The following GRK2 variants were observed in gnomAD, a reference collection of about 807,000 sequenced individuals.
The protein encoded by GRK2 is adrenergic beta receptor kinase 1.
A neutral mutation model predicts 97.8 loss-of-function variants in GRK2; 23 were observed. The ratio of observed to expected loss-of-function variants is 0.24; its 90% CI spans 0.17 to 0.33. The LOEUF (loss-of-function observed/expected upper bound fraction) is 0.33. Ranked by LOEUF, GRK2 falls within the 10% of genes least tolerant of loss-of-function variation. The pLI, the probability that GRK2 is intolerant of heterozygous loss-of-function variation, is 1.00. For synonymous variants in GRK2, 425 were observed against 381.7 expected (o/e 1.11, Z -1.32); for missense variants, 633 against 956.9 (o/e 0.66, Z 4.47).
At position 67,266,716 on chromosome 11, in the gene GRK2, C is replaced by T. The variant is rs1267341728; in HGVS notation, c.17C>T (p.Ala6Val). 7.8e-7 allele frequency: 1 copy of T among 1,285,578 alleles called. No individual in the cohort carries two copies. Among genetic ancestry groups the T allele is most frequent in the South Asian group, 2.3e-5 (1 of 44,216 alleles). The allele number at this position is 1,285,578 out of a possible 1,614,324, so 79.6% of individuals were successfully genotyped here. MADLE[A>V]VLADVSYLMA... Reference sequence around the variant, plus strand: ...GCCGCCAAGATGGCGGACCTGGAGGCGGTGCTGGCCGACGTGAGCTACCTG... The same window carrying T: ...GCCGCCAAGATGGCGGACCTGGAGGTGGTGCTGGCCGACGTGAGCTACCTG... The change falls in exon 1 of 21, where the codon GCG becomes GTG. Residue 6 changes from alanine (A) to valine (V), a missense_variant. This residue lies in a region of GRK2 where 193 missense variants were observed against 212.2 expected (regional missense o/e 0.91). Coordinates refer to ENST00000308595, the MANE Select transcript of GRK2 (RefSeq NM_001619.5).
rs1440118944 is a variant in GRK2 at position 67,282,635 on chromosome 11, C to T, written c.1160+93C>T. 2.6e-6 allele frequency: 4 copies of T among 1,554,694 alleles called. No individual in the cohort carries two copies. In the African/African-American group the frequency reaches 4.1e-5, roughly 16 times the overall value. On this transcript the variant is annotated intron_variant, in intron 13 of 20. Transcript: ENST00000308595. The surrounding 1 kb of genome is among the most constrained non-coding windows in gnomAD (Gnocchi z 6.9). ...GATGCCAAAGGAGGGGAGCCCATAG[C>T]TGCCTTGGTGGTAGGGTTGGCACCG...
chr11:67,278,775 G>GC (rs1179292503), intron 2 of GRK2, among the ~76,000 whole-genome samples: 1 of 152,096 alleles, frequency 6.6e-6, no homozygotes, highest in African/African-American at 2.4e-5. Context: ...GCATCCCAGG[G>GC]CCCCCAGACT....
intron 1 of GRK2, among the ~76,000 whole-genome samples, chr11:67,270,049 C>G (rs61759802): frequency 1.3e-5 from 2 of 152,162 alleles, no homozygotes; most frequent in Non-Finnish European, 2.9e-5. Context: ...CACATGGGAC[C>G]CAGGCGAGTC....
chr11:67,275,210 C>T (rs906654052), intron 1 of GRK2, among the ~76,000 whole-genome samples: 6 of 152,086 alleles, frequency 3.9e-5, no homozygotes, highest in African/African-American at 9.7e-5. Flanking sequence ...GATCAGGGGC[C>T]GAGGCCCGGG....
intron 2 of GRK2, 25 bp from the exon 3 acceptor site, chr11:67,279,175 T>C (rs770818167): frequency 1.2e-6 from 2 of 1,605,874 alleles, no homozygotes; most frequent in East Asian, 2.2e-5. Flanking sequence ...GGCGTGGCTC[T>C]GTGACCTTAC....
At position 67,270,108 on chromosome 11, in the gene GRK2, C is replaced by T. The variant is rs571343468; in HGVS notation, c.113+3296C>T. Among the ~76,000 whole-genome samples the T allele has an allele frequency of 2.6e-4, 39 of 152,338 alleles. No individual in the cohort carries two copies. In the East Asian group the frequency reaches 2.9e-3, roughly 11 times the overall value. On this transcript the variant is annotated intron_variant, in intron 1 of 20. Transcript: ENST00000308595. ...CAGTTTCCACCTCTGTAAAACGAGG[C>T]GGCTGCCCCTTCACTCTCAGGGTCT...
chr11:67,278,378 G>A (rs1030663094), intron 2 of GRK2, among the ~76,000 whole-genome samples: 1 of 152,060 alleles, frequency 6.6e-6, no homozygotes, highest in Non-Finnish European at 1.5e-5. Flanking sequence ...CAGGGTCCAG[G>A]CCCCTTACTC....
intron 1 of GRK2, among the ~76,000 whole-genome samples, chr11:67,271,455 G>T (rs1468897538): frequency 6.6e-6 from 1 of 152,244 alleles, no homozygotes; most frequent in Non-Finnish European, 1.5e-5. Flanking sequence ...TCGTGTTTGG[G>T]ATGGGGGATA....
rs779016605 is a variant in GRK2, at chr11:67,285,466, T to C, written c.*16T>C. ...CGGCCTCTGACCCGCCCACCCGCCT[T>C]TTATAAACCTCTAATTTATTTTGTC... On this transcript the variant is annotated 3_prime_UTR_variant, in exon 21 of 21. Coordinates refer to ENST00000308595, the MANE Select transcript of GRK2 (RefSeq NM_001619.5). The C allele has an allele frequency of 6.6e-7, 1 of 1,521,744 alleles. No individual in the cohort carries two copies. The highest frequency in any genetic ancestry group is 2.3e-5 in the East Asian group (1 of 43,152). 94.3% of individuals were successfully genotyped at this position (1,521,744 alleles called of 1,614,324 possible). A position where few individuals can be genotyped will look rare whatever the true frequency, so the allele number is the denominator to read the frequency against.
chr11:67,280,938 C>T, intron 7 of GRK2, 155 bp downstream of exon 7: 5 of 1,121,154 alleles, frequency 4.5e-6, no homozygotes, highest in Non-Finnish European at 6.6e-6. Flanking sequence ...GGGATCCCAG[C>T]ATGGGGAGGC....
In GRK2 at chr11:67,278,348, A is replaced by G. The variant is rs568518742; in HGVS notation, c.191-852A>G. 4.6e-5 allele frequency among the ~76,000 whole-genome samples: 7 copies of G among 152,266 alleles called. No homozygotes were observed. In the East Asian group the frequency reaches 1.4e-3, roughly 29 times the overall value. On this transcript the variant is annotated intron_variant, in intron 2 of 20. Coordinates refer to ENST00000308595, the MANE Select transcript of GRK2 (RefSeq NM_001619.5). The stretch of plus-strand genomic sequence containing the variant: ...CTGAGGAGGGCCTCTGTCCCCTGGT[A>G]GTGCTCGGGGGCCGGGGTCCAGGGT...
At chr11:67,274,808 T>A (rs1423778460) in intron 1 of GRK2, among the ~76,000 whole-genome samples, 1 of 152,110 alleles carries the variant, frequency 6.6e-6, no homozygotes, top group Non-Finnish European at 1.5e-5. Flanking sequence ...GGGAAACATG[T>A]CCTTGACGGT....
In GRK2 at chr11:67,284,197, T is replaced by A. The variant is rs747831669; in HGVS notation, c.1492-14T>A. On this transcript the variant is annotated splice_polypyrimidine_tract_variant and intron_variant, in intron 17 of 20. Coordinates refer to ENST00000308595, the MANE Select transcript of GRK2 (RefSeq NM_001619.5). ...TGTCCACCCATGTGCCCCTGCCCCA[T>A]CCACCTGGTAAAGTTACTGGACAGT... is the stretch of plus-strand genomic sequence containing the variant. The A allele has an allele frequency of 2.3e-5, 37 of 1,613,358 alleles. No homozygotes were observed. The highest frequency in any genetic ancestry group is 3.1e-5 in the Non-Finnish European group (36 of 1,179,908).
At position 67,277,262 on chromosome 11, in the gene GRK2, T is replaced by C. The variant is rs375635425; in HGVS notation, c.114-10T>C. The stretch of plus-strand genomic sequence containing the variant: ...GGGGCTTCTGCTTACTGCGCCCCCC[T>C]GACCCACAGCATCCGCAGTGTCATG... On this transcript the variant is annotated splice_polypyrimidine_tract_variant and intron_variant, in intron 1 of 20. Coordinates refer to ENST00000308595, the MANE Select transcript of GRK2 (RefSeq NM_001619.5). 26 of 1,613,126 alleles carry C rather than the reference T, an allele frequency of 1.6e-5. No homozygotes were observed. The highest frequency in any genetic ancestry group is 1.8e-5 in the Non-Finnish European group (21 of 1,179,736).
At chr11:67,271,286 G>GT (rs1215496417) in intron 1 of GRK2, among the ~76,000 whole-genome samples, 16 of 152,252 alleles carry the variant, frequency 1.1e-4, no homozygotes, top group Admixed American at 9.2e-4. Context: ...AAAATGAGGT[G>GT]TTTGACTGCA....
At chr11:67,279,604 T>C (rs774712090) in intron 4 of GRK2, 22 bp from the exon 5 acceptor site, 4 of 1,613,154 alleles carry the variant, frequency 2.5e-6, no homozygotes, top group South Asian at 1.1e-5. Context: ...TGAGAATTCA[T>C]GGCCACCTCT....
chr11:67,280,914 T>C, intron 7 of GRK2, 131 bp downstream of exon 7: 1 of 1,234,348 alleles, frequency 8.1e-7, no homozygotes, highest in African/African-American at 1.5e-5. Flanking sequence ...GCCGTGGCTA[T>C]GGGGGTCAGG....
rs1252795488 is a variant in GRK2 at position 67,276,011 on chromosome 11, T to C, written c.114-1261T>C. Among the ~76,000 whole-genome samples the C allele has an allele frequency of 6.6e-6, 1 of 152,144 alleles. No homozygotes were observed. Among genetic ancestry groups the C allele is most frequent in the Non-Finnish European group, 1.5e-5 (1 of 68,002 alleles). On this transcript the variant is annotated intron_variant, in intron 1 of 20. Coordinates refer to ENST00000308595, the MANE Select transcript of GRK2 (RefSeq NM_001619.5). The surrounding 1 kb of genome is among the most constrained non-coding windows in gnomAD (Gnocchi z 4.2). ...CCTGGGTGGCCAGTCCGACCAGCCC[T>C]GGGCTGGGCTCCTAGGGGCAGGCAG... is the stretch of plus-strand genomic sequence containing the variant.
chr11:67,270,473 C>G (rs117549229), intron 1 of GRK2, among the ~76,000 whole-genome samples: 1 of 152,114 alleles, frequency 6.6e-6, no homozygotes, highest in Non-Finnish European at 1.5e-5. Flanking sequence ...TCCGCTGCCT[C>G]GTTCCTGTTA....
Sources: allele counts gnomAD v4.1 joint callset (sites outside exome capture counted in the v4.1 genomes callset), GRCh38; gene constraint gnomAD v4.1.1; regional missense constraint gnomAD v4.1.1; non-coding constraint Gnocchi (gnomAD v3.1); transcripts MANE v1.5; gene names NCBI Gene and HGNC (gene_info 2026-07-23, HGNC 2026-07-21).